SGF29: variants seen among roughly 807,000 people sequenced by gnomAD.
The protein encoded by SGF29 is SAGA-associated factor 29.
Under a neutral mutation model 38.1 loss-of-function variants are expected in SGF29, and 15 were observed. The observed-to-expected ratio is 0.39, with a 90% CI of 0.26 to 0.61. The LOEUF (loss-of-function observed/expected upper bound fraction) is 0.61, where lower values mean the gene tolerates loss of function less well. SGF29 is among the 20% of genes least tolerant of loss of function. The probability of loss-of-function intolerance (pLI) is 0.49; values close to 1 mark genes in which losing one functional copy is unlikely to be tolerated. For missense variants in SGF29, 184 were observed against 394.6 expected (o/e 0.47, Z 4.52); for synonymous variants, 151 against 160.8 (o/e 0.94, Z 0.46).
intron 1 of SGF29, among the ~76,000 whole-genome samples, chr16:28,561,427 G>A (rs2046789289): frequency 6.6e-6 from 1 of 152,078 alleles, no homozygotes; most frequent in Non-Finnish European, 1.5e-5. Flanking sequence ...CAGCTACCTG[G>A]GAGGCTGATG....
intron 2 of SGF29, among the ~76,000 whole-genome samples, chr16:28,584,118 G>T (rs553084876): frequency 6.6e-6 from 1 of 151,404 alleles, no homozygotes; most frequent in African/African-American, 2.4e-5. Flanking sequence ...AGCCTCCCGA[G>T]TAGCTAGGAC....
In SGF29 at chr16:28,583,829, CT is replaced by C. The variant is rs551491473; in HGVS notation, c.76-1075del. 5.6e-3 allele frequency among the ~76,000 whole-genome samples: 854 copies of C among 151,848 alleles called. 11 individuals carry two copies. Among genetic ancestry groups the C allele is most frequent in the African/African-American group, 0.02 (816 of 41,434 alleles). ...AAATTGGGAAGTATGAGTTCTCCAACTTTTTTTTTCTTTTTCCAAGATTGGG... is the reference window on the plus strand; with the variant it reads ...AAATTGGGAAGTATGAGTTCTCCAACTTTTTTTTCTTTTTCCAAGATTGGG... On this transcript the variant is annotated intron_variant, in intron 2 of 9. Transcript: ENST00000317058.
chr16:28,569,949 A>G (rs375811512), intron 1 of SGF29, among the ~76,000 whole-genome samples: 14 of 152,234 alleles, frequency 9.2e-5, no homozygotes, highest in East Asian at 7.7e-4. Flanking sequence ...CACAGAATAC[A>G]CAAGCTGTAG....
intron 3 of SGF29, 51 bp from the exon 4 acceptor site, chr16:28,585,597 C>T (rs2046951927): frequency 8.9e-6 from 13 of 1,463,532 alleles, no homozygotes; most frequent in Non-Finnish European, 1.2e-5. Flanking sequence ...CAGTGCCATG[C>T]TACTGTGCCT....
At chr16:28,587,571 G>T (rs966436941) in intron 4 of SGF29, among the ~76,000 whole-genome samples, 1 of 152,188 alleles carries the variant, frequency 6.6e-6, no homozygotes, top group Non-Finnish European at 1.5e-5. Flanking sequence ...TCCATCTTCT[G>T]GCCCTGGCCT....
chr16:28,556,512 TA>T (rs1445270764), intron 1 of SGF29, among the ~76,000 whole-genome samples: 3 of 152,160 alleles, frequency 2.0e-5, no homozygotes, highest in Non-Finnish European at 4.4e-5. Flanking sequence ...CACACCCGAT[TA>T]ATTTTGTATT....
rs982815084 is a variant in SGF29, at chr16:28,589,496, G to A, written c.289+332G>A. The stretch of plus-strand genomic sequence containing the variant: ...CTGGCTGGTTTCTGCAGAGCCACAC[G>A]CTGTGTGTCGTAAAGCCAGCCTTCC... On this transcript the variant is annotated intron_variant, in intron 5 of 9. Transcript: ENST00000317058. 2.4e-5 allele frequency: 7 copies of A among 287,248 alleles called. No individual in the cohort carries two copies. In the East Asian group the frequency reaches 3.0e-4, roughly 12 times the overall value. The allele number at this position is 287,248 out of a possible 1,614,324, so 17.8% of individuals were successfully genotyped here. A position where few individuals can be genotyped will look rare whatever the true frequency, so the allele number is the denominator to read the frequency against.
In SGF29 at chr16:28,581,235, T is replaced by C. The variant is rs1386260151; in HGVS notation, c.75+91T>C. The C allele has an allele frequency of 2.4e-6, 3 of 1,227,412 alleles. No homozygotes were observed. In the South Asian group the frequency reaches 3.8e-5, roughly 15 times the overall value. 76.0% of individuals were successfully genotyped at this position (1,227,412 alleles called of 1,614,324 possible). ...GGGTGGCATTTGTGTTCAGAGAGAT[T>C]GGACTCGCAGGAACCAAAATGACGT... On this transcript the variant is annotated intron_variant, in intron 2 of 9. Transcript: ENST00000317058.
At chr16:28,569,246 CT>C (rs2046851058) in intron 1 of SGF29, among the ~76,000 whole-genome samples, 2 of 152,140 alleles carry the variant, frequency 1.3e-5, no homozygotes, top group Admixed American at 1.3e-4. Flanking sequence ...GGCATGGCTT[CT>C]CTTGACGGCT....
At chr16:28,564,623 GCA>G (rs1267359631) in intron 1 of SGF29, among the ~76,000 whole-genome samples, 116 of 103,514 alleles carry the variant, frequency 1.1e-3, no homozygotes, top group African/African-American at 4.3e-3. Context: ...ATACATATAT[GCA>G]TATATATACG....
Position 28,591,587 on chromosome 16 carries a change from C to A in SGF29, c.766-3C>A. 1.2e-6 allele frequency: 2 copies of A among 1,608,262 alleles called. No homozygotes were observed. The highest frequency in any genetic ancestry group is 2.2e-5 in the South Asian group (2 of 90,960). On this transcript the variant is annotated splice_region_variant and splice_polypyrimidine_tract_variant and intron_variant, in intron 9 of 9. Transcript: ENST00000317058. ...CAGCCCCTCCTGTCTGCCTGCCCCA[C>A]AGCCCCAGGATGACTACTCGGTCCT...
intron 1 of SGF29, among the ~76,000 whole-genome samples, chr16:28,566,005 G>A (rs1596598712): frequency 6.6e-6 from 1 of 151,356 alleles, no homozygotes; most frequent in East Asian, 2.0e-4. Flanking sequence ...CGGGCACGGT[G>A]GCTCACGCCT....
At chr16:28,556,996 G>A (rs750329671) in intron 1 of SGF29, among the ~76,000 whole-genome samples, 1 of 152,146 alleles carries the variant, frequency 6.6e-6, no homozygotes, top group Non-Finnish European at 1.5e-5. Flanking sequence ...GGATGTGAGT[G>A]TGGGGTATTA....
At chr16:28,554,328 C>G (rs1239920610) in intron 1 of SGF29, among the ~76,000 whole-genome samples, 2 of 151,904 alleles carry the variant, frequency 1.3e-5, no homozygotes, top group Non-Finnish European at 2.9e-5. Context: ...GAGGTCTGCG[C>G]TTGCGTGCTT....
At chr16:28,584,704 G>A (rs1320820725) in intron 2 of SGF29, among the ~76,000 whole-genome samples, 2 of 151,660 alleles carry the variant, frequency 1.3e-5, no homozygotes, top group East Asian at 3.9e-4. Flanking sequence ...CAGGAGAAAG[G>A]CGTGAACCCG....
chr16:28,572,142 A>G (rs1596601398), intron 1 of SGF29, among the ~76,000 whole-genome samples: 1 of 150,858 alleles, frequency 6.6e-6, no homozygotes, highest in African/African-American at 2.4e-5. Context: ...ACGCCCGGCT[A>G]ATTTTTAGTA....
At chr16:28,584,293 T>C (rs927115203) in intron 2 of SGF29, among the ~76,000 whole-genome samples, 4 of 151,116 alleles carry the variant, frequency 2.6e-5, no homozygotes, top group Admixed American at 6.6e-5. Context: ...ACCAGGCCCT[T>C]TAAGGCCTTT....
intron 1 of SGF29, among the ~76,000 whole-genome samples, chr16:28,567,812 T>G (rs1398864479): frequency 3.9e-5 from 6 of 152,104 alleles, no homozygotes; most frequent in Admixed American, 3.9e-4. Context: ...TGTTATAAAG[T>G]GGCAAAGAAC....
At position 28,590,981 on chromosome 16, in the gene SGF29, G is replaced by C; in HGVS notation, c.765+46G>C. ...GAGGCCATGGGTGATGTCAGGAACA[G>C]GCTGATCAGACAGACGAGGGGTCCT... On this transcript the variant is annotated intron_variant, in intron 9 of 9. Transcript: ENST00000317058. The surrounding 1 kb of genome is among the most constrained non-coding windows in gnomAD (Gnocchi z 8.2). 1 of 1,549,770 alleles carries C rather than the reference G, an allele frequency of 6.5e-7. No homozygotes were observed. Among genetic ancestry groups the C allele is most frequent in the African/African-American group, 1.4e-5 (1 of 73,316 alleles).
Sources: gnomAD v4.1 joint callset for allele counts (sites outside exome capture counted in the v4.1 genomes callset) on GRCh38, gnomAD v4.1.1 for gene constraint, Gnocchi (gnomAD v3.1) non-coding constraint, MANE v1.5 for transcripts, NCBI Gene and HGNC (gene_info 2026-07-23, HGNC 2026-07-21) for gene names.